The following BLNK variants were observed in gnomAD, a reference collection of about 807,000 sequenced individuals.
The protein encoded by BLNK is B cell linker.
A neutral mutation model predicts 73.5 loss-of-function variants in BLNK; 29 were observed. The ratio of observed to expected loss-of-function variants is 0.39; its 90% CI spans 0.29 to 0.54. BLNK has a LOEUF of 0.54. BLNK is among the 20% of genes least tolerant of loss of function. The pLI, the probability that BLNK is intolerant of heterozygous loss-of-function variation, is 0.61. For synonymous variants in BLNK, 176 were observed against 200.8 expected (o/e 0.88, Z 1.04); for missense variants, 460 against 562.8 (o/e 0.82, Z 1.85).
intron 3 of BLNK, among the ~76,000 whole-genome samples, chr10:96,236,130 T>G (rs1205537411): frequency 6.6e-6 from 1 of 151,942 alleles, no homozygotes; most frequent in African/African-American, 2.4e-5. Flanking sequence ...TCTGAGTCAA[T>G]AGGAGCACCA....
chr10:96,197,787 G>A (rs1240500122), intron 15 of BLNK, among the ~76,000 whole-genome samples: 3 of 151,836 alleles, frequency 2.0e-5, no homozygotes, highest in Non-Finnish European at 4.4e-5. Flanking sequence ...ATAGTGGCGG[G>A]CACCTGTAGT....
rs112902283 is a variant in BLNK, at chr10:96,216,828, C to T, written c.526-94G>A. Reference sequence around the variant, plus strand: ...ATTTTTTTAAAAAGCATTATTGAGACGCAATTCACATATCATAAAATTCTA... The same window carrying T: ...ATTTTTTTAAAAAGCATTATTGAGATGCAATTCACATATCATAAAATTCTA... On this transcript the variant is annotated intron_variant, in intron 6 of 16. Coordinates refer to ENST00000224337, the MANE Select transcript of BLNK (RefSeq NM_013314.4). 7,911 of 1,027,784 alleles carry T rather than the reference C, an allele frequency of 7.7e-3. 71 individuals carry two copies. Among genetic ancestry groups the T allele is most frequent in the African/African-American group, 0.025 (1,558 of 63,076 alleles). The allele number at this position is 1,027,784 out of a possible 1,614,324, so 63.7% of individuals were successfully genotyped here. A position where few individuals can be genotyped will look rare whatever the true frequency, so the allele number is the denominator to read the frequency against.
At chr10:96,216,930 G>T (rs891975564) in intron 6 of BLNK, among the ~76,000 whole-genome samples, 196 bp from the exon 7 acceptor site, 3 of 152,062 alleles carry the variant, frequency 2.0e-5, no homozygotes, top group Admixed American at 6.6e-5. Context: ...CTAATTTTAG[G>T]ACATTTTTAT....
intron 1 of BLNK, 78 bp downstream of exon 1, chr10:96,271,274 A>G: frequency 6.7e-7 from 1 of 1,498,458 alleles, no homozygotes; most frequent in Non-Finnish European, 9.3e-7. Context: ...CCAGGATTTC[A>G]GTATTTCTGA....
chr10:96,258,561 C>T (rs1398666015), intron 1 of BLNK, among the ~76,000 whole-genome samples: 1 of 152,114 alleles, frequency 6.6e-6, no homozygotes, highest in African/African-American at 2.4e-5. Flanking sequence ...ATACCTGTTC[C>T]TTCCCCTTCC....
intron 1 of BLNK, among the ~76,000 whole-genome samples, chr10:96,249,657 C>T (rs777403219): frequency 2.0e-5 from 3 of 152,190 alleles, no homozygotes; most frequent in South Asian, 2.1e-4. Context: ...TGCTGAAGAG[C>T]GCAGACAAAC....
chr10:96,257,471 A>G (rs1843566284), intron 1 of BLNK, among the ~76,000 whole-genome samples: 1 of 152,330 alleles, frequency 6.6e-6, no homozygotes, highest in African/African-American at 2.4e-5. Context: ...GTGCGAAAGG[A>G]CCAACAACTC....
rs978521914 is a variant in BLNK at position 96,221,658 on chromosome 10, C to T, written c.525+2168G>A. Among the ~76,000 whole-genome samples, 3 of 152,148 alleles carry T rather than the reference C, an allele frequency of 2.0e-5. 1 individual carries two copies. Among genetic ancestry groups the T allele is most frequent in the South Asian group, 4.1e-4 (2 of 4,820 alleles). ...ACAGAAATGAAGAGCCTTACATAAC[C>T]CACAGTATTCATCTGCATTCTATAT... On this transcript the variant is annotated intron_variant, in intron 6 of 16. Transcript: ENST00000224337.
chr10:96,207,336 CCACATA>C (rs1554897652), intron 10 of BLNK, among the ~76,000 whole-genome samples: 4 of 152,086 alleles, frequency 2.6e-5, no homozygotes, highest in Admixed American at 1.3e-4. Context: ...CCAGCAGCTG[CCACATA>C]GTAACCCATG....
rs1353588173 is a variant in BLNK at position 96,200,543 on chromosome 10, A to T, written c.1012-385T>A. ...TATGCCTTCTTTGAAGGCAAGAAGG[A>T]CACATGCTATTATCCGTATTTTACA... On this transcript the variant is annotated intron_variant, in intron 14 of 16. Coordinates refer to ENST00000224337, the MANE Select transcript of BLNK (RefSeq NM_013314.4). This position sits in a 1 kb window ranked among gnomAD's most constrained non-coding sequence, Gnocchi z 4.3. Among the ~76,000 whole-genome samples, 1 of 152,222 alleles carries T rather than the reference A, an allele frequency of 6.6e-6. No individual in the cohort carries two copies. Among genetic ancestry groups the T allele is most frequent in the African/African-American group, 2.4e-5 (1 of 41,458 alleles).
intron 12 of BLNK, 73 bp downstream of exon 12, chr10:96,204,459 G>T: frequency 6.9e-7 from 1 of 1,445,524 alleles, no homozygotes; most frequent in Non-Finnish European, 9.7e-7. Flanking sequence ...GTGTCACTGT[G>T]CAGTGAAACA....
chr10:96,191,955 G>A lies in BLNK; in HGVS notation c.*18C>T. 1.9e-6 allele frequency: 3 copies of A among 1,613,324 alleles called. No individual in the cohort carries two copies. The highest frequency in any genetic ancestry group is 2.5e-6 in the Non-Finnish European group (3 of 1,179,528). ...GGAAAGTGTCTGAAGCAATGGTATT[G>A]ATCTTTTTTTTCCCCCTTTATGAAA... On this transcript the variant is annotated 3_prime_UTR_variant, in exon 17 of 17. Transcript: ENST00000224337.
Position 96,242,676 on chromosome 10 carries a change from T to G in BLNK, c.163+59A>C, listed in dbSNP as rs1262988108. On this transcript the variant is annotated intron_variant, in intron 3 of 16. Transcript: ENST00000224337. ...GTATTTCCCTTTCCATAAGCCTAAA[T>G]GTAAATATGAACATTAAATTAGTCA... 6.1e-6 allele frequency: 9 copies of G among 1,466,998 alleles called. No individual in the cohort carries two copies. In the East Asian group the frequency reaches 2.0e-4, roughly 33 times the overall value. The allele number at this position is 1,466,998 out of a possible 1,614,324, so 90.9% of individuals were successfully genotyped here.
intron 6 of BLNK, 45 bp downstream of exon 6, chr10:96,223,781 C>A: frequency 1.2e-6 from 2 of 1,606,930 alleles, no homozygotes; most frequent in Non-Finnish European, 1.7e-6. Flanking sequence ...GCTTGCCCCA[C>A]CCCCCTCTGT....
intron 6 of BLNK, among the ~76,000 whole-genome samples, chr10:96,218,616 C>T (rs116536021): frequency 1.4e-3 from 214 of 151,788 alleles, no homozygotes; most frequent in African/African-American, 4.7e-3. Context: ...GTTGCTTGAG[C>T]CCAGGAAGCT....
At chr10:96,197,129 A>T in intron 15 of BLNK, 66 bp from the exon 16 acceptor site, 1 of 1,364,322 alleles carries the variant, frequency 7.3e-7, no homozygotes, top group Non-Finnish European at 1.0e-6. Flanking sequence ...AGGTTCAAAA[A>T]ATCATTTTGT....
At chr10:96,249,984 A>T (rs1426257191) in intron 1 of BLNK, among the ~76,000 whole-genome samples, 2 of 152,220 alleles carry the variant, frequency 1.3e-5, no homozygotes, top group African/African-American at 2.4e-5. Context: ...ATTTTGGAGA[A>T]TTATCTACGT....
At chr10:96,222,616 G>T (rs7902113) in intron 6 of BLNK, among the ~76,000 whole-genome samples, 5,539 of 152,234 alleles carry the variant, frequency 0.036, 329 homozygotes, top group African/African-American at 0.13. Context: ...TGGGTCTCTG[G>T]ACACCTGCTG....
chr10:96,228,580 A>G (rs1474963588), intron 4 of BLNK, among the ~76,000 whole-genome samples: 2 of 152,074 alleles, frequency 1.3e-5, no homozygotes, highest in Admixed American at 1.3e-4. Context: ...TCCACATTTC[A>G]TTTAAGTCCA....
Sources: gnomAD v4.1 joint callset for allele counts (sites outside exome capture counted in the v4.1 genomes callset) on GRCh38, gnomAD v4.1.1 for gene constraint, Gnocchi (gnomAD v3.1) non-coding constraint, MANE v1.5 for transcripts, NCBI Gene and HGNC (gene_info 2026-07-23, HGNC 2026-07-21) for gene names.